The following PSMD1 variants were observed in gnomAD, a reference collection of about 807,000 sequenced individuals.
PSMD1 encodes the protein 26S proteasome non-ATPase regulatory subunit 1.
A neutral mutation model predicts 119.0 loss-of-function variants in PSMD1; 18 were observed. That is an observed-to-expected ratio of 0.15 (90% CI 0.10 to 0.22). The LOEUF (loss-of-function observed/expected upper bound fraction) is 0.22, where lower values mean the gene tolerates loss of function less well. PSMD1 is among the 10% of genes least tolerant of loss of function. PSMD1 has a pLI of 1.00. For synonymous variants in PSMD1, 374 were observed against 396.6 expected, an observed-to-expected ratio of 0.94 and a Z score of 0.68; for missense variants, 702 against 1,158.5, an observed-to-expected ratio of 0.61 and a Z score of 5.72.
chr2:231,101,174 C>T (rs1694857598), intron 16 of PSMD1, among the ~76,000 whole-genome samples: 1 of 152,094 alleles, frequency 6.6e-6, no homozygotes, highest in Admixed American at 6.6e-5. Flanking sequence ...ATTGTTCACC[C>T]CCAAGTAGAG....
chr2:231,076,078 A>G (rs555354400), intron 8 of PSMD1, among the ~76,000 whole-genome samples: 2 of 152,346 alleles, frequency 1.3e-5, no homozygotes, highest in Non-Finnish European at 2.9e-5. Context: ...ATCCGAAGAA[A>G]ACATTTAGAA....
At chr2:231,075,117 A>G (rs181110834) in intron 7 of PSMD1, among the ~76,000 whole-genome samples, 4 of 152,310 alleles carry the variant, frequency 2.6e-5, no homozygotes, top group African/African-American at 7.2e-5. Context: ...TTTCCTCAAT[A>G]TGGTGCTTTG....
chr2:231,108,287 A>G (rs1695024942), intron 16 of PSMD1: 3 of 446,494 alleles, frequency 6.7e-6, no homozygotes, highest in African/African-American at 2.0e-5. Flanking sequence ...ATACCTTAAA[A>G]TTTAACCAGA....
chr2:231,083,529 CAT>C (rs758030543), intron 13 of PSMD1, 36 bp from the exon 14 acceptor site: 2 of 1,604,848 alleles, frequency 1.2e-6, no homozygotes, highest in South Asian at 1.1e-5. Context: ...ACTTTAAAAA[CAT>C]AACTCTCTGT....
rs543130040 is a variant in PSMD1 at position 231,157,694 on chromosome 2, G to A, written c.2219-3646G>A. ...CAATTCTCCTGCCTCAGTCCCTCCT[G>A]TAGCTGGGACTACAGGTGCACACCG... On this transcript the variant is annotated intron_variant, in intron 19 of 24. Transcript: ENST00000308696. Among the ~76,000 whole-genome samples the A allele has an allele frequency of 4.9e-4, 74 of 151,788 alleles. 1 individual carries two copies. The highest frequency in any genetic ancestry group is 1.5e-3 in the African/African-American group (64 of 41,408).
At chr2:231,112,022 T>C (rs767546215) in intron 16 of PSMD1, among the ~76,000 whole-genome samples, 4 of 152,204 alleles carry the variant, frequency 2.6e-5, no homozygotes, top group Non-Finnish European at 5.9e-5. Context: ...AGATGCCATT[T>C]ATACCAGCAG....
chr2:231,072,411 G>C lies in PSMD1; in HGVS notation c.877G>C (p.Asp293His). The C allele has an allele frequency of 6.2e-7, 1 of 1,604,180 alleles. No homozygotes were observed. The highest frequency in any genetic ancestry group is 1.1e-5 in the South Asian group (1 of 90,820). The stretch of plus-strand genomic sequence containing the variant: ...GGGTACTGTTCCGGGATCAGAGAAA[G>C]ACAGGTATAAGTACCTTTTTCTGCA... ...NTGTVPGSEK[D>H]SDSMETEEKT... Residue 293 changes from aspartate (D) to histidine (H), a missense_variant, in exon 7 of 25, where the codon GAC becomes CAC. This residue lies in a region of PSMD1 where 69 missense variants were observed against 71.6 expected (regional missense o/e 0.96). Transcript: ENST00000308696.
At chr2:231,151,773 C>T (rs906282705) in intron 18 of PSMD1, among the ~76,000 whole-genome samples, 5 of 147,718 alleles carry the variant, frequency 3.4e-5, no homozygotes, top group South Asian at 4.4e-4. Context: ...CTTGACTTGT[C>T]GAACCAGAAT....
chr2:231,081,226 G>T (rs796771890), intron 12 of PSMD1, among the ~76,000 whole-genome samples: 4 of 151,146 alleles, frequency 2.6e-5, no homozygotes, highest in African/African-American at 7.3e-5. Flanking sequence ...AATCGTGTGT[G>T]CAGGTACACA....
At chr2:231,138,683 T>G in intron 16 of PSMD1, 53 bp from the exon 17 acceptor site, 2 of 1,354,254 alleles carry the variant, frequency 1.5e-6, no homozygotes, top group East Asian at 4.6e-5. Context: ...TCTTCTGTCT[T>G]AACTTAAAAT....
intron 16 of PSMD1, chr2:231,123,871 A>C (rs1457619354): frequency 2.2e-6 from 2 of 907,428 alleles, no homozygotes; most frequent in African/African-American, 1.6e-5. Flanking sequence ...CCAAACACTC[A>C]AAAGCCAAAG....
chr2:231,086,040 T>C lies in PSMD1; in HGVS notation c.1818+926T>C, dbSNP rs1291618564. On this transcript the variant is annotated intron_variant, in intron 15 of 24. Transcript: ENST00000308696. Reference sequence around the variant, plus strand: ...TGCAGCTGAAATAGTCTTTTTCTTTTTTTTTTTTTAGCGACTTTGAGACAG... The same window carrying C: ...TGCAGCTGAAATAGTCTTTTTCTTTCTTTTTTTTTAGCGACTTTGAGACAG... Among the ~76,000 whole-genome samples the C allele has an allele frequency of 2.0e-5, 3 of 152,102 alleles. No homozygotes were observed. In the East Asian group the frequency reaches 5.8e-4, roughly 29 times the overall value.
At position 231,170,865 on chromosome 2, in the gene PSMD1, A is replaced by C. The variant is rs1696896422; in HGVS notation, c.*9+144A>C. The C allele has an allele frequency of 1.1e-6, 1 of 875,188 alleles. No homozygotes were observed. Among genetic ancestry groups the C allele is most frequent in the East Asian group, 3.0e-5 (1 of 33,694 alleles). 54.2% of individuals were successfully genotyped at this position (875,188 alleles called of 1,614,324 possible). ...ACAGTATTAAAACTTCCCCGTTTCA[A>C]CCTTTTTCTGCATATATAACCACAA... On this transcript the variant is annotated intron_variant, in intron 24 of 24. Transcript: ENST00000308696. This position sits in a 1 kb window ranked among gnomAD's most constrained non-coding sequence, Gnocchi z 4.1.
At chr2:231,163,371 C>G (rs780210077) in intron 20 of PSMD1, 2 of 353,216 alleles carry the variant, frequency 5.7e-6, no homozygotes, top group Non-Finnish European at 1.0e-5. Context: ...AGGACTTACC[C>G]ATTGAAGCAG....
chr2:231,160,781 T>C (rs1056348237), intron 19 of PSMD1, among the ~76,000 whole-genome samples: 4 of 152,172 alleles, frequency 2.6e-5, no homozygotes, highest in African/African-American at 9.7e-5. Context: ...GTGTGCTAAA[T>C]CCAGTTAAAA....
intron 18 of PSMD1, among the ~76,000 whole-genome samples, chr2:231,149,821 C>G (rs1183538218): frequency 1.3e-5 from 2 of 152,206 alleles, no homozygotes; most frequent in Non-Finnish European, 2.9e-5. Context: ...ACAGAAACTA[C>G]TCTAAGCAAA....
intron 1 of PSMD1, among the ~76,000 whole-genome samples, chr2:231,057,516 A>G (rs112688952): frequency 2.0e-5 from 3 of 152,340 alleles, no homozygotes; most frequent in African/African-American, 7.2e-5. Flanking sequence ...TTCGCCTTAG[A>G]ATGAAACCCG....
chr2:231,133,056 G>A (rs1054176994), intron 16 of PSMD1, among the ~76,000 whole-genome samples: 17 of 151,946 alleles, frequency 1.1e-4, no homozygotes, highest in African/African-American at 3.9e-4. Flanking sequence ...TGAGGTTTGT[G>A]GTATACTTGG....
At chr2:231,163,610 T>C in intron 20 of PSMD1, 25 bp from the exon 21 acceptor site, 1 of 1,567,600 alleles carries the variant, frequency 6.4e-7, no homozygotes, top group South Asian at 1.1e-5. Flanking sequence ...TTAAAGCCAA[T>C]GTTATTTTAA....
Sources: allele counts gnomAD v4.1 joint callset (sites outside exome capture counted in the v4.1 genomes callset), GRCh38; gene constraint gnomAD v4.1.1; regional missense constraint gnomAD v4.1.1; non-coding constraint Gnocchi (gnomAD v3.1); transcripts MANE v1.5; gene names NCBI Gene and HGNC (gene_info 2026-07-23, HGNC 2026-07-21).